Variants in MSR1 observed in about 807,000 individuals in gnomAD.
MSR1 encodes the protein macrophage scavenger receptor types I and II.
A neutral mutation model predicts 47.2 loss-of-function variants in MSR1; 53 were observed. The observed-to-expected ratio is 1.12, with a 90% CI of 0.90 to 1.41. The LOEUF (loss-of-function observed/expected upper bound fraction) is 1.41. Among genes scored for constraint, MSR1 ranks in the 40% most tolerant of loss-of-function variants. The probability of loss-of-function intolerance (pLI) is 0.00; values close to 1 mark genes in which losing one functional copy is unlikely to be tolerated. For synonymous variants in MSR1, 239 were observed against 185.6 expected (o/e 1.29, Z -2.34); for missense variants, 786 against 546.9 (o/e 1.44, Z -4.36).
At chr8:16,120,370 CTG>C (rs1175095394) in intron 9 of MSR1, 46 bp downstream of exon 9, 6 of 1,599,568 alleles carry the variant, frequency 3.8e-6, no homozygotes, top group East Asian at 2.2e-5. Context: ...GAATGAGACT[CTG>C]TCTGAAACAA....
intron 8 of MSR1, among the ~76,000 whole-genome samples, chr8:16,135,701 T>A (rs886669915): frequency 1.3e-5 from 2 of 152,160 alleles, no homozygotes; most frequent in African/African-American, 4.8e-5. Flanking sequence ...GCAAAGTAAA[T>A]TGAAAACTTT....
At chr8:16,141,830 A>T (rs1191467020) in intron 8 of MSR1, among the ~76,000 whole-genome samples, 1 of 152,216 alleles carries the variant, frequency 6.6e-6, no homozygotes, top group African/African-American at 2.4e-5. Flanking sequence ...AAATAAAAAA[A>T]AAATAGTTTC....
intron 9 of MSR1, among the ~76,000 whole-genome samples, chr8:16,115,793 C>A (rs1416668350): frequency 6.6e-6 from 1 of 151,814 alleles, no homozygotes; most frequent in Non-Finnish European, 1.5e-5. Flanking sequence ...GCCTGAGCAA[C>A]TTAGCAAGAA....
intron 5 of MSR1, among the ~76,000 whole-genome samples, chr8:16,155,592 T>A (rs1178058919): frequency 6.6e-6 from 1 of 151,974 alleles, no homozygotes; most frequent in Non-Finnish European, 1.5e-5. Flanking sequence ...AATTCACACA[T>A]GGTAGACAAC....
At chr8:16,143,747 A>T in intron 7 of MSR1, 136 bp from the exon 8 acceptor site, 2 of 665,720 alleles carry the variant, frequency 3.0e-6, no homozygotes, top group Non-Finnish European at 5.3e-6. Flanking sequence ...AACATTGTAT[A>T]ATGTTAACAA....
rs151112366 is a variant in MSR1, at chr8:16,152,518, A to G, written c.899-2207T>C. Among the ~76,000 whole-genome samples, 305 of 152,184 alleles carry G rather than the reference A, an allele frequency of 2.0e-3. 1 individual carries two copies. Among genetic ancestry groups the G allele is most frequent in the African/African-American group, 7.1e-3 (296 of 41,550 alleles). ...AAATTCAGACTACGTAAGGAAGTAA[A>G]TAGTACTGGTTGATGATGAAAAGTT... On this transcript the variant is annotated intron_variant, in intron 6 of 9. Coordinates refer to ENST00000262101, the MANE Select transcript of MSR1 (RefSeq NM_138715.3).
chr8:16,166,240 G>C (rs1261261029), intron 4 of MSR1, among the ~76,000 whole-genome samples: 2 of 137,868 alleles, frequency 1.5e-5, no homozygotes, highest in African/African-American at 5.4e-5. Context: ...GCATGATCTC[G>C]GCTCCCTGCA....
chr8:16,133,770 C>T (rs1800319752), intron 8 of MSR1, among the ~76,000 whole-genome samples: 1 of 152,092 alleles, frequency 6.6e-6, no homozygotes, highest in East Asian at 1.9e-4. Flanking sequence ...CAAATAAATG[C>T]CTCAGGATAT....
chr8:16,180,394 G>A (rs184616930), intron 1 of MSR1, among the ~76,000 whole-genome samples: 8 of 152,226 alleles, frequency 5.3e-5, no homozygotes, highest in Admixed American at 5.2e-4. Flanking sequence ...TGATATTTGG[G>A]GTGGGGGCTC....
Position 16,164,213 on chromosome 8 carries a change from T to C in MSR1, c.669A>G (p.Ser223=), listed in dbSNP as rs35425627. 1.9e-6 allele frequency: 3 copies of C among 1,612,242 alleles called. No homozygotes were observed. The highest frequency in any genetic ancestry group is 2.7e-5 in the African/African-American group (2 of 74,878). Residue 223 remains serine, a synonymous_variant, in exon 5 of 10, where the codon TCA becomes TCG. Transcript: ENST00000262101. ...SKLEERVYNV[S]AEIMAMKEEQ... ...CTTCTTTCATAGCCATAATTTCTGC[T>C]GATACATTGTAAACACGCTCCTCTA...
chr8:16,180,031 C>T (rs1427172502), intron 1 of MSR1, among the ~76,000 whole-genome samples: 1 of 151,908 alleles, frequency 6.6e-6, no homozygotes, highest in East Asian at 1.9e-4. Context: ...AACTCCTGAC[C>T]TCAAGTCTGC....
chr8:16,119,921 G>C (rs1799957955), intron 9 of MSR1, among the ~76,000 whole-genome samples: 1 of 115,754 alleles, frequency 8.6e-6, no homozygotes, highest in South Asian at 2.9e-4. Flanking sequence ...TTACTATGTT[G>C]TCCACGCTGG....
At chr8:16,188,072 G>A (rs771182830) in intron 1 of MSR1, among the ~76,000 whole-genome samples, 2 of 152,106 alleles carry the variant, frequency 1.3e-5, no homozygotes, top group Non-Finnish European at 2.9e-5. Flanking sequence ...CCTATTAAAT[G>A]TCAGTGTGCT....
chr8:16,134,335 C>A (rs753483964), intron 8 of MSR1, among the ~76,000 whole-genome samples: 1 of 152,060 alleles, frequency 6.6e-6, no homozygotes, highest in East Asian at 1.9e-4. Context: ...TTTTTGAAAT[C>A]CATGTATAGT....
intron 1 of MSR1, chr8:16,186,280 G>T: frequency 7.6e-7 from 1 of 1,319,526 alleles, no homozygotes; most frequent in Non-Finnish European, 1.0e-6. Context: ...AGTGAGCCAG[G>T]GTCCAGTTTC....
intron 8 of MSR1, among the ~76,000 whole-genome samples, chr8:16,132,974 C>T (rs1484402813): frequency 6.6e-6 from 1 of 152,086 alleles, no homozygotes; most frequent in Non-Finnish European, 1.5e-5. Context: ...GAGTTTTTAA[C>T]ATGAAGAGGT....
At chr8:16,131,106 A>C (rs957169497) in intron 8 of MSR1, among the ~76,000 whole-genome samples, 3 of 152,206 alleles carry the variant, frequency 2.0e-5, no homozygotes, top group African/African-American at 7.2e-5. Flanking sequence ...AGCAGACGAT[A>C]AGCATTCTCT....
chr8:16,175,585 T>G (rs937004275), intron 2 of MSR1, among the ~76,000 whole-genome samples: 10 of 152,216 alleles, frequency 6.6e-5, no homozygotes, highest in Non-Finnish European at 8.8e-5. Flanking sequence ...AATCAGCTGG[T>G]AAATTTTAAT....
At position 16,155,679 on chromosome 8, in the gene MSR1, G is replaced by T. The variant is rs369383253; in HGVS notation, c.818-535C>A. 4.6e-5 allele frequency among the ~76,000 whole-genome samples: 7 copies of T among 152,008 alleles called. No homozygotes were observed. In the East Asian group the frequency reaches 1.4e-3, roughly 29 times the overall value. ...CTGTAGATCGGCGTGAATGGTGATG[G>T]TTGAAGTCTTCATTGAGAAAGTAGG... is the stretch of plus-strand genomic sequence containing the variant. On this transcript the variant is annotated intron_variant, in intron 5 of 9. Transcript: ENST00000262101.
Sources: allele counts gnomAD v4.1 joint callset (sites outside exome capture counted in the v4.1 genomes callset), GRCh38; gene constraint gnomAD v4.1.1; transcripts MANE v1.5; gene names NCBI Gene and HGNC (gene_info 2026-07-23, HGNC 2026-07-21).